Variants in MTA3 observed in about 807,000 individuals in gnomAD.
The protein encoded by MTA3 is metastasis associated 1 family member 3.
Under a neutral mutation model 83.5 loss-of-function variants are expected in MTA3, and 34 were observed. The observed-to-expected ratio is 0.41, with a 90% CI of 0.31 to 0.54. The LOEUF is 0.54. MTA3 is among the 20% of genes least tolerant of loss of function. The pLI, the probability that MTA3 is intolerant of heterozygous loss-of-function variation, is 0.33. For synonymous variants in MTA3, 303 were observed against 252.7 expected, an observed-to-expected ratio of 1.20 and a Z score of -1.89; for missense variants, 761 against 726.4, an observed-to-expected ratio of 1.05 and a Z score of -0.55.
At chr2:42,573,390 G>C (rs1678702259) in intron 2 of MTA3, among the ~76,000 whole-genome samples, 1 of 152,182 alleles carries the variant, frequency 6.6e-6, no homozygotes, top group African/African-American at 2.4e-5. Flanking sequence ...CTGTCACCCA[G>C]GCTGGAGTTC....
chr2:42,499,527 C>T (rs998296334), intron 2 of MTA3, among the ~76,000 whole-genome samples: 9 of 151,582 alleles, frequency 5.9e-5, no homozygotes, highest in African/African-American at 2.2e-4. Context: ...CATGATGGCT[C>T]ATGCCTGTAA....
At chr2:42,649,661 G>A (rs1322689048) in intron 6 of MTA3, among the ~76,000 whole-genome samples, 1 of 152,164 alleles carries the variant, frequency 6.6e-6, no homozygotes, top group Non-Finnish European at 1.5e-5. Context: ...TTTTACAAAA[G>A]TGCCTTCCTT....
intron 2 of MTA3, among the ~76,000 whole-genome samples, chr2:42,543,910 C>G (rs568670053): frequency 6.6e-6 from 1 of 151,952 alleles, no homozygotes; most frequent in South Asian, 2.1e-4. Context: ...AGGCTTGTCT[C>G]AAACTCTTGG....
intron 16 of MTA3, among the ~76,000 whole-genome samples, chr2:42,742,007 C>T (rs1669072631): frequency 6.6e-6 from 1 of 152,164 alleles, no homozygotes; most frequent in African/African-American, 2.4e-5. Context: ...AATAAAACTA[C>T]ATATTCCTGC....
chr2:42,651,877 T>G (rs1186813995), intron 6 of MTA3, among the ~76,000 whole-genome samples: 1 of 151,684 alleles, frequency 6.6e-6, no homozygotes, highest in African/African-American at 2.4e-5. Context: ...GTGGATCGCC[T>G]GAGGTCAGGA....
At chr2:42,552,467 C>G (rs1241789624) in intron 2 of MTA3, among the ~76,000 whole-genome samples, 1 of 152,050 alleles carries the variant, frequency 6.6e-6, no homozygotes, top group East Asian at 1.9e-4. Flanking sequence ...AACTAGACTC[C>G]TAGCCCCAGG....
At chr2:42,631,691 T>C (rs775844617) in intron 4 of MTA3, among the ~76,000 whole-genome samples, 4 of 152,316 alleles carry the variant, frequency 2.6e-5, no homozygotes, top group Admixed American at 1.3e-4. Context: ...TGTATTATTA[T>C]TTTATTATTA....
intron 9 of MTA3, among the ~76,000 whole-genome samples, chr2:42,693,044 A>G (rs1390299716): frequency 6.6e-6 from 1 of 151,750 alleles, no homozygotes; most frequent in East Asian, 1.9e-4. Context: ...TACCAGACAG[A>G]CTCTTGTTCT....
At position 42,514,682 on chromosome 2, in the gene MTA3, C is replaced by CTT. The variant is rs767598363; in HGVS notation, c.-141+19452_-141+19453dup. Among the ~76,000 whole-genome samples the CTT allele has an allele frequency of 1.6e-3, 84 of 53,476 alleles. 6 individuals carry two copies. Among genetic ancestry groups the CTT allele is most frequent in the South Asian group, 5.7e-3 (5 of 884 alleles). The allele number at this position is 53,476 out of a possible 152,430, so 35.1% of individuals were successfully genotyped here. On this transcript the variant is annotated intron_variant, in intron 2 of 17. Transcript: ENST00000405592. ...GATTACAGGCATGAGCGCCCAGCCC[C>CTT]TTTTTTTTTTTTTTTTTTTTTTTTT...
chr2:42,606,520 A>G (rs1466291574), intron 3 of MTA3, among the ~76,000 whole-genome samples: 63 of 128,658 alleles, frequency 4.9e-4, no homozygotes, highest in African/African-American at 1.8e-3. Context: ...CCTAGATGTG[A>G]TGGCGGCTGG....
chr2:42,644,694 C>G (rs894941918), intron 6 of MTA3, among the ~76,000 whole-genome samples: 1 of 152,142 alleles, frequency 6.6e-6, no homozygotes, highest in Non-Finnish European at 1.5e-5. Flanking sequence ...TTTGGTAATT[C>G]TTGAAACATT....
At chr2:42,588,544 A>G (rs1387775276) in intron 3 of MTA3, among the ~76,000 whole-genome samples, 1 of 152,206 alleles carries the variant, frequency 6.6e-6, no homozygotes, top group Non-Finnish European at 1.5e-5. Context: ...GAAGCAGATA[A>G]TTTGAAACCA....
intron 16 of MTA3, among the ~76,000 whole-genome samples, chr2:42,747,510 G>A (rs983767026): frequency 3.3e-5 from 5 of 151,902 alleles, no homozygotes; most frequent in African/African-American, 1.2e-4. Flanking sequence ...GGTGAAAGGG[G>A]GGCAGGAGAA....
intron 3 of MTA3, 68 bp from the exon 4 acceptor site, chr2:42,609,390 A>G (rs1395106116): frequency 6.2e-6 from 9 of 1,460,056 alleles, no homozygotes; most frequent in Non-Finnish European, 7.5e-6. Flanking sequence ...TGTTGATTTG[A>G]TCTGTTTCAA....
intron 2 of MTA3, among the ~76,000 whole-genome samples, chr2:42,560,381 C>T (rs971414527): frequency 5.3e-5 from 8 of 151,488 alleles, no homozygotes; most frequent in Admixed American, 5.3e-4. Flanking sequence ...TGGTGGTGGA[C>T]GCCTATAATC....
chr2:42,547,076 T>A (rs1235762496), intron 2 of MTA3, among the ~76,000 whole-genome samples: 3 of 152,154 alleles, frequency 2.0e-5, no homozygotes, highest in African/African-American at 7.2e-5. Context: ...ATGGAGGAAC[T>A]TTATAAAATA....
At chr2:42,622,965 A>G (rs1573347215) in intron 4 of MTA3, among the ~76,000 whole-genome samples, 1 of 152,356 alleles carries the variant, frequency 6.6e-6, no homozygotes, top group East Asian at 1.9e-4. Context: ...AAATAAACCA[A>G]TGAAACAATA....
At chr2:42,526,977 C>A (rs936092722) in intron 2 of MTA3, among the ~76,000 whole-genome samples, 1 of 144,560 alleles carries the variant, frequency 6.9e-6, no homozygotes, top group African/African-American at 2.6e-5. Context: ...TCACTTGAAC[C>A]CAGGAGGGAG....
chr2:42,521,849 G>A (rs570895642), intron 2 of MTA3, among the ~76,000 whole-genome samples: 32 of 145,252 alleles, frequency 2.2e-4, no homozygotes, highest in African/African-American at 5.1e-4. Context: ...CCGCCTCCCC[G>A]GTTCAAGTGA....
Sources: gnomAD v4.1 joint callset for allele counts (sites outside exome capture counted in the v4.1 genomes callset) on GRCh38, gnomAD v4.1.1 for gene constraint, MANE v1.5 for transcripts, NCBI Gene and HGNC (gene_info 2026-07-23, HGNC 2026-07-21) for gene names.